COL21A1: variants seen among roughly 807,000 people sequenced by gnomAD.
COL21A1 encodes collagen alpha-1(XXI) chain.
A neutral mutation model predicts 137.9 loss-of-function variants in COL21A1; 149 were observed. That is an observed-to-expected ratio of 1.08 (90% CI 0.95 to 1.24). The LOEUF is 1.24. COL21A1 is among the 50% of genes most tolerant of loss of function. COL21A1 has a pLI of 0.00. For synonymous variants in COL21A1, 456 were observed against 391.5 expected (o/e 1.16, Z -1.95); for missense variants, 1,167 against 1,158.4 (o/e 1.01, Z -0.11).
chr6:56,285,441 C>A (rs1377029672), intron 1 of COL21A1, among the ~76,000 whole-genome samples: 1 of 152,152 alleles, frequency 6.6e-6, no homozygotes, highest in African/African-American at 2.4e-5. Flanking sequence ...CTAGGAGTAG[C>A]ATTTGTCCTG....
chr6:56,093,175 G>A (rs1009737495), intron 17 of COL21A1, among the ~76,000 whole-genome samples: 2 of 151,768 alleles, frequency 1.3e-5, no homozygotes, highest in African/African-American at 4.8e-5. Flanking sequence ...CAGATTCTGG[G>A]GATTAAGAGC....
At position 56,391,541 on chromosome 6, in the gene COL21A1, A is replaced by G. The variant is rs145448450; in HGVS notation, c.-39+2430T>C. Among the ~76,000 whole-genome samples, 271 of 152,146 alleles carry G rather than the reference A, an allele frequency of 1.8e-3. 1 individual carries two copies. In the Middle Eastern group the frequency reaches 0.034, roughly 19 times the overall value. On this transcript the variant is annotated intron_variant, in intron 1 of 28. Coordinates refer to the COL21A1 transcript ENST00000370819. ...AAATGAACAAAATTGACAAACCTTT[A>G]GCCAGACTAAGAAAAAAAGAGAGAA...
intron 17 of COL21A1, among the ~76,000 whole-genome samples, chr6:56,098,029 ATG>A (rs66477212): frequency 1.2e-4 from 4 of 32,350 alleles, no homozygotes; most frequent in African/African-American, 5.2e-4. Flanking sequence ...ATAAATATAT[ATG>A]TAAATATATA....
At chr6:56,330,862 T>C (rs1765204721) in intron 1 of COL21A1, among the ~76,000 whole-genome samples, 1 of 152,110 alleles carries the variant, frequency 6.6e-6, no homozygotes, top group African/African-American at 2.4e-5. Context: ...TTTTTAGATC[T>C]TCGAGAAATC....
At chr6:56,094,802 C>G (rs1478017498) in intron 17 of COL21A1, among the ~76,000 whole-genome samples, 1 of 152,174 alleles carries the variant, frequency 6.6e-6, no homozygotes, top group Non-Finnish European at 1.5e-5. Context: ...AACTCTCACA[C>G]AGGAGCTGAC....
rs999657155 is a variant in COL21A1 at position 56,209,852 on chromosome 6, A to C, written c.-38-27196T>G. Reference sequence around the variant, plus strand: ...GTATGTTTATTGCGGCACTGTTCACAATAGCAAAGACTTGGAGTCAACCTA... The same window carrying C: ...GTATGTTTATTGCGGCACTGTTCACCATAGCAAAGACTTGGAGTCAACCTA... On this transcript the variant is annotated intron_variant, in intron 1 of 29. Transcript: ENST00000244728. Among the ~76,000 whole-genome samples the C allele has an allele frequency of 4.6e-5, 7 of 152,208 alleles. No homozygotes were observed. The East Asian group carries it at 1.3e-3, about 29-fold the overall frequency.
chr6:56,340,874 C>A (rs1765452338), intron 1 of COL21A1, among the ~76,000 whole-genome samples: 1 of 152,158 alleles, frequency 6.6e-6, no homozygotes, highest in Non-Finnish European at 1.5e-5. Flanking sequence ...AATCTATGTT[C>A]TCTGTCAGCC....
In COL21A1 at chr6:56,060,953, C is replaced by T. The variant is rs1410181017; in HGVS notation, c.2290G>A (p.Gly764Ser). ...GGATCCCCAGGTTGCCCCTTAGGAC[C>T]TGCGGGCCCCATCAAGCCATCCACC... ...SGVDGLMGPA[G>S]PKGQPGDPGP... Residue 764 changes from glycine to serine, a missense_variant, in exon 26 of 30, where the codon GGT becomes AGT. By Grantham distance (56) the Gly-to-Ser change is moderately conservative. Transcript: ENST00000244728. 1 of 1,608,448 alleles carries T rather than the reference C, an allele frequency of 6.2e-7. No individual in the cohort carries two copies. Among genetic ancestry groups the T allele is most frequent in the Non-Finnish European group, 8.5e-7 (1 of 1,177,874 alleles).
intron 1 of COL21A1, among the ~76,000 whole-genome samples, chr6:56,327,633 G>A (rs537997312): frequency 6.6e-6 from 1 of 152,004 alleles, no homozygotes; most frequent in African/African-American, 2.4e-5. Context: ...TGGAGCCAAG[G>A]AGGCACTTAG....
intron 1 of COL21A1, among the ~76,000 whole-genome samples, chr6:56,219,691 CA>C (rs1311085933): frequency 6.6e-6 from 1 of 152,134 alleles, no homozygotes; most frequent in Non-Finnish European, 1.5e-5. Context: ...TGATGATACA[CA>C]TCAATTATCA....
chr6:56,258,781 C>T (rs1159295984), intron 1 of COL21A1, among the ~76,000 whole-genome samples: 2 of 152,126 alleles, frequency 1.3e-5, no homozygotes, highest in Admixed American at 6.5e-5. Flanking sequence ...TATCTTAACT[C>T]AGTTGAATAA....
intron 1 of COL21A1, among the ~76,000 whole-genome samples, chr6:56,309,749 A>G (rs1156394288): frequency 6.6e-6 from 1 of 152,236 alleles, no homozygotes; most frequent in Non-Finnish European, 1.5e-5. Context: ...ATCCTATCAT[A>G]ATGGTCTTTA....
At chr6:56,391,770 T>C (rs183248366) in intron 1 of COL21A1, among the ~76,000 whole-genome samples, 2 of 152,134 alleles carry the variant, frequency 1.3e-5, no homozygotes, top group Admixed American at 6.5e-5. Context: ...GGATACATTA[T>C]ACAATTTTAT....
intron 12 of COL21A1, among the ~76,000 whole-genome samples, chr6:56,130,924 G>T (rs1773508453): frequency 1.3e-5 from 2 of 152,170 alleles, no homozygotes; most frequent in Admixed American, 1.3e-4. Context: ...GGATAGCAAA[G>T]AAGAGATAAA....
chr6:56,260,286 A>G (rs138156630), intron 1 of COL21A1, among the ~76,000 whole-genome samples: 3 of 152,262 alleles, frequency 2.0e-5, no homozygotes, highest in Admixed American at 6.5e-5. Flanking sequence ...ATATTATTAC[A>G]GAAAACATGG....
Position 56,338,510 on chromosome 6 carries a change from T to C in COL21A1, c.-39+55461A>G, listed in dbSNP as rs573023224. ...TCAGCATCTTGCTTTTGGGGTGGGGTCCCTGCAAGGTGGCCTAAGCCCAGG... is the reference window on the plus strand; with the variant it reads ...TCAGCATCTTGCTTTTGGGGTGGGGCCCCTGCAAGGTGGCCTAAGCCCAGG... On this transcript the variant is annotated intron_variant, in intron 1 of 28. Transcript: ENST00000370819. 3.3e-5 allele frequency among the ~76,000 whole-genome samples: 5 copies of C among 152,164 alleles called. No individual in the cohort carries two copies. In the East Asian group the frequency reaches 5.8e-4, roughly 18 times the overall value.
intron 1 of COL21A1, among the ~76,000 whole-genome samples, chr6:56,361,533 C>T (rs1267491492): frequency 1.3e-5 from 2 of 152,052 alleles, no homozygotes; most frequent in African/African-American, 4.8e-5. Context: ...AGAAGATTAT[C>T]CAGTGGCTTA....
intron 16 of COL21A1, among the ~76,000 whole-genome samples, chr6:56,111,577 A>G (rs1561875092): frequency 6.6e-6 from 1 of 151,832 alleles, no homozygotes; most frequent in East Asian, 1.9e-4. Context: ...CACACTAAAA[A>G]CTTTGGCCAG....
chr6:56,156,883 T>C lies in COL21A1; in HGVS notation c.1434+4A>G. ...CCGGAGATGACTAAGCTTTCAGTAC[T>C]CACAGGCTTACCATCTTGACCAGGT... On this transcript the variant is annotated splice_donor_region_variant and intron_variant, in intron 10 of 29. Transcript: ENST00000244728. 6.2e-7 allele frequency: 1 copy of C among 1,609,994 alleles called. No individual in the cohort carries two copies. The highest frequency in any genetic ancestry group is 8.5e-7 in the Non-Finnish European group (1 of 1,177,626).
Sources: gnomAD v4.1 joint callset for allele counts (sites outside exome capture counted in the v4.1 genomes callset) on GRCh38, gnomAD v4.1.1 for gene constraint, MANE v1.5 for transcripts, NCBI Gene and HGNC (gene_info 2026-07-23, HGNC 2026-07-21) for gene names.